RASEF: variants seen among roughly 807,000 people sequenced by gnomAD.
RASEF encodes the protein RAS and EF-hand domain containing.
A neutral mutation model predicts 90.1 loss-of-function variants in RASEF; 68 were observed. That is an observed-to-expected ratio of 0.75 (90% CI 0.62 to 0.92). The LOEUF (loss-of-function observed/expected upper bound fraction) is 0.92, where lower values mean the gene tolerates loss of function less well. RASEF is among the 40% of genes least tolerant of loss of function. The pLI is 0.00. For synonymous variants in RASEF, 331 were observed against 345.2 expected (o/e 0.96, Z 0.46); for missense variants, 949 against 937.2 (o/e 1.01, Z -0.16).
the RASEF span, among the ~76,000 whole-genome samples, chr9:83,209,832 G>A: frequency 6.6e-6 from 1 of 152,142 alleles, no homozygotes; most frequent in Non-Finnish European, 1.5e-5. Flanking sequence ...CCTAGACTTA[G>A]CCTGTGCCCT....
chr9:83,018,565 CT>C (rs1006170126), intron 3 of RASEF, among the ~76,000 whole-genome samples: 34 of 150,538 alleles, frequency 2.3e-4, no homozygotes, highest in South Asian at 6.3e-4. Context: ...TTTTTGTTTG[CT>C]TTTTTTTTTA....
chr9:83,039,253 C>A (rs967226439), intron 1 of RASEF, among the ~76,000 whole-genome samples: 1 of 152,140 alleles, frequency 6.6e-6, no homozygotes, highest in African/African-American at 2.4e-5. Context: ...CTATCCCCTG[C>A]CACTCTTTAT....
chr9:83,215,863 C>T, the RASEF span, among the ~76,000 whole-genome samples: 8,768 of 152,130 alleles, frequency 0.058, 747 homozygotes, highest in East Asian at 0.42. Flanking sequence ...TTGGAACTTC[C>T]TAGAGACTTA....
At chr9:83,185,882 G>T in the RASEF span, among the ~76,000 whole-genome samples, 1 of 152,126 alleles carries the variant, frequency 6.6e-6, no homozygotes, top group Non-Finnish European at 1.5e-5. Context: ...GCAACCCCGA[G>T]ATTCCACCCA....
the RASEF span, among the ~76,000 whole-genome samples, chr9:83,212,978 G>C: frequency 1.7e-3 from 263 of 152,122 alleles, 1 homozygote; most frequent in African/African-American, 5.7e-3. Context: ...ACTGGAAACA[G>C]AGGTTGTCTT....
chr9:83,004,011 G>T (rs1829084606), intron 9 of RASEF, among the ~76,000 whole-genome samples: 1 of 152,118 alleles, frequency 6.6e-6, no homozygotes, highest in Non-Finnish European at 1.5e-5. Context: ...GCAAGCCTCT[G>T]TGACTCCTTC....
intron 1 of RASEF, among the ~76,000 whole-genome samples, chr9:83,030,137 A>T (rs754357396): frequency 3.9e-5 from 6 of 152,136 alleles, no homozygotes; most frequent in Non-Finnish European, 7.4e-5. Context: ...TGGGTAGATC[A>T]CCTGAGGTCA....
intron 15 of RASEF, among the ~76,000 whole-genome samples, chr9:82,990,884 C>A (rs868446408): frequency 1.3e-4 from 20 of 152,202 alleles, no homozygotes; most frequent in African/African-American, 3.4e-4. Flanking sequence ...TAACTTTTCC[C>A]TTCTGGATCC....
chr9:83,127,769 G>A, the RASEF span, among the ~76,000 whole-genome samples: 2 of 152,146 alleles, frequency 1.3e-5, no homozygotes, highest in South Asian at 2.1e-4. Context: ...ACAAGGATAT[G>A]GGAAACCTGG....
At chr9:83,177,615 G>GTTT in the RASEF span, among the ~76,000 whole-genome samples, 2 of 146,496 alleles carry the variant, frequency 1.4e-5, no homozygotes, top group African/African-American at 5.0e-5. Flanking sequence ...TCATTTAGTT[G>GTTT]TTTTTTTTTT....
the RASEF span, among the ~76,000 whole-genome samples, chr9:83,142,707 G>A: frequency 6.6e-6 from 1 of 152,162 alleles, no homozygotes; most frequent in Non-Finnish European, 1.5e-5. Flanking sequence ...ACCTTTCAAG[G>A]ATGGGAACCT....
chr9:83,061,443 C>A (rs149413496), intron 1 of RASEF, among the ~76,000 whole-genome samples: 40 of 152,156 alleles, frequency 2.6e-4, no homozygotes. Context: ...GTCTTAATAA[C>A]GACAGCCAGA....
chr9:83,145,282 C>T, the RASEF span, among the ~76,000 whole-genome samples: 1 of 152,054 alleles, frequency 6.6e-6, no homozygotes, highest in Non-Finnish European at 1.5e-5. Context: ...GGAGTTGTAC[C>T]ATGACAGAAT....
the RASEF span, among the ~76,000 whole-genome samples, chr9:83,107,008 T>C: frequency 2.0e-5 from 3 of 152,122 alleles, no homozygotes; most frequent in Admixed American, 6.6e-5. Context: ...ATACTGACAT[T>C]TTAAACAAAT....
intron 1 of RASEF, among the ~76,000 whole-genome samples, chr9:83,030,366 A>G (rs2118595046): frequency 6.6e-6 from 1 of 152,242 alleles, no homozygotes; most frequent in South Asian, 2.1e-4. Context: ...CAAAAAAAAA[A>G]AAAAGATACT....
intron 1 of RASEF, chr9:83,055,534 C>A (rs185424469): frequency 2.7e-5 from 19 of 711,206 alleles, no homozygotes; most frequent in South Asian, 7.4e-5. Flanking sequence ...AGCTGTAGAC[C>A]GGAGCTGTTC....
chr9:83,018,744 T>C (rs1261167165), intron 3 of RASEF, among the ~76,000 whole-genome samples: 1 of 152,056 alleles, frequency 6.6e-6, no homozygotes, highest in Non-Finnish European at 1.5e-5. Context: ...TCAAGACTTA[T>C]AAACCAACAG....
the RASEF span, among the ~76,000 whole-genome samples, chr9:83,211,629 T>C: frequency 2.6e-5 from 4 of 152,140 alleles, no homozygotes; most frequent in African/African-American, 9.7e-5. Context: ...GACCATATGG[T>C]TTCAGCTTTT....
chr9:83,206,780 T>G, the RASEF span, among the ~76,000 whole-genome samples: 17 of 152,136 alleles, frequency 1.1e-4, no homozygotes, highest in African/African-American at 4.1e-4. Flanking sequence ...CTCATGAGAC[T>G]TTTTTGCCCA....
Sources: allele counts gnomAD v4.1 joint callset (sites outside exome capture counted in the v4.1 genomes callset), GRCh38; gene constraint gnomAD v4.1.1; transcripts MANE v1.5; gene names NCBI Gene and HGNC (gene_info 2026-07-23, HGNC 2026-07-21).